Variants in SATB2 observed in about 807,000 individuals in gnomAD.
SATB2 encodes the protein SATB homeobox 2.
A neutral mutation model predicts 73.4 loss-of-function variants in SATB2; 1 was observed. The observed-to-expected ratio is 0.01, with a 90% CI of 0.00 to 0.06. The LOEUF is 0.06. Among genes scored for constraint, SATB2 ranks in the 10% least tolerant of loss-of-function variants. The probability of loss-of-function intolerance (pLI) is 1.00; values close to 1 mark genes in which losing one functional copy is unlikely to be tolerated. For missense variants in SATB2, 459 were observed against 945.8 expected (o/e 0.49, Z 6.75); for synonymous variants, 397 against 367.0 (o/e 1.08, Z -0.93).
chr2:199,433,247 C>T, intron 3 of SATB2, 91 bp downstream of exon 3: 2 of 1,292,876 alleles, frequency 1.5e-6, no homozygotes, highest in Non-Finnish European at 2.1e-6. Flanking sequence ...TCTCCTTCAA[C>T]CTTTGTTTGG....
intron 3 of SATB2, among the ~76,000 whole-genome samples, chr2:199,430,202 A>T (rs1170608025): frequency 3.3e-5 from 5 of 152,212 alleles, no homozygotes; most frequent in African/African-American, 1.2e-4. Context: ...GGAAAGAAGA[A>T]AGAATAGTAA....
chr2:199,328,471 G>A (rs1688094617), intron 8 of SATB2, among the ~76,000 whole-genome samples: 1 of 152,026 alleles, frequency 6.6e-6, no homozygotes, highest in South Asian at 2.1e-4. Context: ...AACCCAGGAG[G>A]CGGAGGCTGC....
intron 7 of SATB2, among the ~76,000 whole-genome samples, chr2:199,345,914 C>T (rs1274993826): frequency 1.3e-5 from 2 of 152,110 alleles, no homozygotes; most frequent in Admixed American, 1.3e-4. Context: ...GTGTCCATCC[C>T]TTTTAAGTTT....
At chr2:199,390,545 C>T (rs1021220391) in intron 3 of SATB2, among the ~76,000 whole-genome samples, 6 of 152,058 alleles carry the variant, frequency 3.9e-5, no homozygotes, top group African/African-American at 1.4e-4. Context: ...CATTTGTCCC[C>T]CTAAAATATC....
intron 10 of SATB2, among the ~76,000 whole-genome samples, chr2:199,287,354 A>G (rs899435615): frequency 7.9e-5 from 12 of 152,188 alleles, no homozygotes; most frequent in Non-Finnish European, 1.5e-4. Context: ...TTTAAGATAT[A>G]TGAAGGAAAA....
chr2:199,376,648 T>C (rs1689614081), intron 5 of SATB2, among the ~76,000 whole-genome samples: 1 of 152,144 alleles, frequency 6.6e-6, no homozygotes, highest in South Asian at 2.1e-4. Flanking sequence ...CTGAATGCTG[T>C]GGACACAAAG....
At chr2:199,385,757 G>A (rs565313347) in intron 3 of SATB2, among the ~76,000 whole-genome samples, 1 of 152,188 alleles carries the variant, frequency 6.6e-6, no homozygotes, top group Non-Finnish European at 1.5e-5. Flanking sequence ...CAAGTTTTGG[G>A]AGGCCGTGAA....
intron 7 of SATB2, among the ~76,000 whole-genome samples, chr2:199,329,956 C>G (rs1371286098): frequency 3.3e-5 from 5 of 152,068 alleles, no homozygotes; most frequent in Non-Finnish European, 5.9e-5. Flanking sequence ...AGTATAAGAA[C>G]AGGGTTTAGG....
chr2:199,463,148 A>G lies in SATB2; in HGVS notation c.-141+1688T>C, dbSNP rs1692517429. On this transcript the variant is annotated intron_variant, in intron 1 of 11. Transcript: ENST00000260926. The surrounding 1 kb of genome is among the most constrained non-coding windows in gnomAD (Gnocchi z 6.4). ...CTGCGGCCTGGAGCACCACCCTACC[A>G]CACCAGGCAACGCCCCCCGGGGCGC... Among the ~76,000 whole-genome samples, 1 of 152,044 alleles carries G rather than the reference A, an allele frequency of 6.6e-6. No individual in the cohort carries two copies. Among genetic ancestry groups the G allele is most frequent in the South Asian group, 2.1e-4 (1 of 4,820 alleles).
intron 3 of SATB2, among the ~76,000 whole-genome samples, chr2:199,424,347 A>T (rs1559046491): frequency 6.6e-6 from 1 of 152,208 alleles, no homozygotes; most frequent in Non-Finnish European, 1.5e-5. Context: ...AACAGCCAGC[A>T]GAATGCTCAC....
chr2:199,384,021 T>A (rs1183143074), intron 3 of SATB2, among the ~76,000 whole-genome samples: 1 of 152,204 alleles, frequency 6.6e-6, no homozygotes, highest in African/African-American at 2.4e-5. Flanking sequence ...TATGCATACA[T>A]TTTTGTATGT....
chr2:199,363,412 A>G (rs1237762002), intron 6 of SATB2, among the ~76,000 whole-genome samples: 1 of 152,212 alleles, frequency 6.6e-6, no homozygotes, highest in Non-Finnish European at 1.5e-5. Context: ...CAAATGCTGC[A>G]CGTTCTCACT....
chr2:199,433,620 G>A (rs1039469516), intron 2 of SATB2, 106 bp from the exon 3 acceptor site: 5 of 1,057,630 alleles, frequency 4.7e-6, no homozygotes, highest in African/African-American at 4.7e-5. Context: ...ATCTGTGATC[G>A]ACAGTGGTTT....
At position 199,464,255 on chromosome 2, in the gene SATB2, C is replaced by G. The variant is rs575827419; in HGVS notation, c.-141+581G>C. ...TCCCCCACCCCGTGGTGCCTTCCCT[C>G]CCCGCCCTACAGCCAAGCCCAGAGG... On this transcript the variant is annotated intron_variant, in intron 1 of 11. Transcript: ENST00000260926. This position sits in a 1 kb window ranked among gnomAD's most constrained non-coding sequence, Gnocchi z 6.6. Among the ~76,000 whole-genome samples, 8 of 152,324 alleles carry G rather than the reference C, an allele frequency of 5.3e-5. No individual in the cohort carries two copies. In the South Asian group the frequency reaches 1.7e-3, roughly 32 times the overall value.
At chr2:199,470,562 CA>C (rs1180018787) in intron 1 of SATB2, 2 of 152,344 alleles carry the variant, frequency 1.3e-5, no homozygotes, top group African/African-American at 2.4e-5. Context: ...TATTTTCTAT[CA>C]TTTTTTATGC....
At chr2:199,390,952 GAA>G (rs1350947045) in intron 3 of SATB2, among the ~76,000 whole-genome samples, 1 of 152,086 alleles carries the variant, frequency 6.6e-6, no homozygotes, top group African/African-American at 2.4e-5. Context: ...GATTATCAAA[GAA>G]AACGTCACCA....
At chr2:199,284,434 G>C (rs1692624866) in intron 10 of SATB2, among the ~76,000 whole-genome samples, 1 of 152,132 alleles carries the variant, frequency 6.6e-6, no homozygotes, top group South Asian at 2.1e-4. Flanking sequence ...TGTTGCTCTA[G>C]TATCAAAGAA....
At chr2:199,282,655 A>G (rs1692560300) in intron 10 of SATB2, among the ~76,000 whole-genome samples, 1 of 152,194 alleles carries the variant, frequency 6.6e-6, no homozygotes, top group African/African-American at 2.4e-5. Context: ...GTAGGGTTTC[A>G]ATTAGTAGTA....
chr2:199,454,264 G>C (rs1346031945), intron 2 of SATB2, among the ~76,000 whole-genome samples: 1 of 152,054 alleles, frequency 6.6e-6, no homozygotes, highest in African/African-American at 2.4e-5. Flanking sequence ...AATTTTATTA[G>C]ATCTTCAGAA....
Sources: allele counts gnomAD v4.1 joint callset (sites outside exome capture counted in the v4.1 genomes callset), GRCh38; gene constraint gnomAD v4.1.1; non-coding constraint Gnocchi (gnomAD v3.1); transcripts MANE v1.5; gene names NCBI Gene and HGNC (gene_info 2026-07-23, HGNC 2026-07-21).